KIAA1755: variants seen among roughly 807,000 people sequenced by gnomAD.
KIAA1755 encodes uncharacterized protein KIAA1755.
In KIAA1755, 68 loss-of-function variants were observed where a neutral mutation model predicts 91.7. The observed-to-expected ratio is 0.74, with a 90% CI of 0.61 to 0.91. The LOEUF is 0.91. Ranked by LOEUF, KIAA1755 falls within the 40% of genes least tolerant of loss-of-function variation. The pLI is 0.00. For missense variants in KIAA1755, 1,535 were observed against 1,494.4 expected (o/e 1.03, Z -0.45); for synonymous variants, 610 against 604.6 (o/e 1.01, Z -0.13).
In KIAA1755 at chr20:38,212,800, T is replaced by G. The variant is rs1438277217; in HGVS notation, c.*242A>C. On this transcript the variant is annotated 3_prime_UTR_variant, in exon 14 of 14. Coordinates refer to ENST00000279024, the MANE Select transcript of KIAA1755 (RefSeq NM_001029864.2). ...GGAGGGATGGAGCCAATCACACCAT[T>G]TATTGTGCCCTGGTTCTGACGCCCA... 6.8e-6 allele frequency: 3 copies of G among 444,138 alleles called. No homozygotes were observed. The highest frequency in any genetic ancestry group is 1.2e-5 in the Non-Finnish European group (3 of 249,750). 27.5% of individuals were successfully genotyped at this position (444,138 alleles called of 1,614,324 possible). A position where few individuals can be genotyped will look rare whatever the true frequency, so the allele number is the denominator to read the frequency against.
chr20:38,245,477 G>A (rs1051688428), intron 2 of KIAA1755, among the ~76,000 whole-genome samples: 4 of 152,208 alleles, frequency 2.6e-5, no homozygotes, highest in Non-Finnish European at 5.9e-5. Flanking sequence ...CCTTGGCAGA[G>A]GCCTCCCTGA....
At chr20:38,226,364 A>T (rs2075756646) in intron 7 of KIAA1755, among the ~76,000 whole-genome samples, 1 of 152,142 alleles carries the variant, frequency 6.6e-6, no homozygotes, top group African/African-American at 2.4e-5. Context: ...GACCCACCTG[A>T]TATTCCTGCT....
At chr20:38,251,764 C>T (rs1241677656) in intron 1 of KIAA1755, among the ~76,000 whole-genome samples, 1 of 152,126 alleles carries the variant, frequency 6.6e-6, no homozygotes, top group Non-Finnish European at 1.5e-5. Context: ...TGCAGTTTCA[C>T]CATGTTGGCC....
intron 1 of KIAA1755, among the ~76,000 whole-genome samples, chr20:38,256,138 C>G (rs539514339): frequency 3.3e-5 from 5 of 152,352 alleles, no homozygotes; most frequent in Admixed American, 2.0e-4. Context: ...GGGCACATAA[C>G]CACCAGCTGT....
At chr20:38,248,906 G>A (rs1176664824) in intron 1 of KIAA1755, among the ~76,000 whole-genome samples, 2 of 151,964 alleles carry the variant, frequency 1.3e-5, no homozygotes, top group Non-Finnish European at 1.5e-5. Context: ...ACAAGATCTT[G>A]CTCTGTTGCC....
At chr20:38,250,512 CTGTG>C (rs3080901) in intron 1 of KIAA1755, among the ~76,000 whole-genome samples, 37 of 138,916 alleles carry the variant, frequency 2.7e-4, no homozygotes, top group Middle Eastern at 3.8e-3. Flanking sequence ...GTGTGTGTGT[CTGTG>C]TGTGTGTGTG....
At chr20:38,233,036 C>T (rs962898796) in intron 4 of KIAA1755, among the ~76,000 whole-genome samples, 14 of 151,920 alleles carry the variant, frequency 9.2e-5, no homozygotes, top group Middle Eastern at 6.4e-3. Flanking sequence ...GTGGGAGAAT[C>T]GCTTGAGCCG....
chr20:38,227,081 C>T, intron 7 of KIAA1755, 73 bp downstream of exon 7: 1 of 1,118,092 alleles, frequency 8.9e-7, no homozygotes. Context: ...TGCAGTTCTC[C>T]CTCTCCTTAA....
At position 38,241,250 on chromosome 20, in the gene KIAA1755, G is replaced by T. The variant is rs932071260; in HGVS notation, c.881C>A (p.Ala294Glu). 1.2e-6 allele frequency: 2 copies of T among 1,614,132 alleles called. No homozygotes were observed. The highest frequency in any genetic ancestry group is 1.7e-6 in the Non-Finnish European group (2 of 1,180,020). Residue 294 changes from alanine (A) to glutamate (E), a missense_variant, in exon 3 of 14, where the codon GCA (alanine) becomes GAA (glutamate). Transcript: ENST00000279024. ...AGAAGTACACCCACTGGATGTGCCT[G>T]CCTCCCTACTGGGAGACTCTCCTCT... The part of the protein sequence containing the change: ...ESRGESPSRE[A>E]GTSSGCTSGA...
At position 38,228,202 on chromosome 20, in the gene KIAA1755, T is replaced by A. The variant is rs1235109509; in HGVS notation, c.1910A>T (p.Asp637Val). The A allele has an allele frequency of 6.2e-7, 1 of 1,604,530 alleles. No individual in the cohort carries two copies. The highest frequency in any genetic ancestry group is 1.3e-5 in the African/African-American group (1 of 74,748). ...DKAKGLAVLI[D>V]ARRQPPQPGL... Reference sequence around the variant, plus strand: ...GGGCTGTGGGGGCTGTCTCCTGGCGTCAATCAGGACCGCCAGCCCCTTGGC... The same window carrying A: ...GGGCTGTGGGGGCTGTCTCCTGGCGACAATCAGGACCGCCAGCCCCTTGGC... The change falls in exon 6 of 14, where the codon GAC (aspartate) becomes GTC (valine). Residue 637 changes from aspartate to valine, a missense_variant. Coordinates refer to ENST00000279024, the MANE Select transcript of KIAA1755 (RefSeq NM_001029864.2).
intron 13 of KIAA1755, chr20:38,216,916 A>C: frequency 5.6e-6 from 3 of 532,428 alleles, no homozygotes; most frequent in South Asian, 1.5e-5. Flanking sequence ...TCTTTGGGGA[A>C]GCATATAAGG....
intron 3 of KIAA1755, 58 bp from the exon 4 acceptor site, chr20:38,239,783 G>T: frequency 6.9e-7 from 1 of 1,439,802 alleles, no homozygotes; most frequent in African/African-American, 1.4e-5. Flanking sequence ...CTTTCTAAGG[G>T]GAAAACGTCT....
chr20:38,250,546 A>G (rs1427458508), intron 1 of KIAA1755, among the ~76,000 whole-genome samples: 2 of 143,384 alleles, frequency 1.4e-5, no homozygotes, highest in Non-Finnish European at 3.1e-5. Context: ...GGTTTTAAGG[A>G]GCAGAAAGTT....
Position 38,231,122 on chromosome 20 carries a change from C to T in KIAA1755, c.1871+80G>A, listed in dbSNP as rs2075853258. 4.9e-6 allele frequency: 7 copies of T among 1,428,904 alleles called. No individual in the cohort carries two copies. The South Asian group carries it at 6.8e-5, about 14-fold the overall frequency. The allele number at this position is 1,428,904 out of a possible 1,614,324, so 88.5% of individuals were successfully genotyped here. A position where few individuals can be genotyped will look rare whatever the true frequency, so the allele number is the denominator to read the frequency against. Reference sequence around the variant, plus strand: ...CTGGATGGAAGGATATGGTGCCTCTCCACTCAGTGTCTGGTCCAGGGCTCT... The same window carrying T: ...CTGGATGGAAGGATATGGTGCCTCTTCACTCAGTGTCTGGTCCAGGGCTCT... On this transcript the variant is annotated intron_variant, in intron 5 of 13. Transcript: ENST00000279024.
intron 1 of KIAA1755, among the ~76,000 whole-genome samples, chr20:38,254,976 A>G (rs1476796382): frequency 1.3e-5 from 2 of 152,118 alleles, no homozygotes; most frequent in African/African-American, 2.4e-5. Flanking sequence ...CAGGAGTTCG[A>G]GACCAGCCTG....
chr20:38,225,228 C>T lies in KIAA1755; in HGVS notation c.2169+437G>A, dbSNP rs77302171. On this transcript the variant is annotated intron_variant, in intron 8 of 13. Coordinates refer to ENST00000279024, the MANE Select transcript of KIAA1755 (RefSeq NM_001029864.2). ...TGTTGGCCAGGCTGGTCTCAAACTC[C>T]TCACCTCATGTGATCCACCCATCTC... is the stretch of plus-strand genomic sequence containing the variant. 5.5e-3 allele frequency among the ~76,000 whole-genome samples: 836 copies of T among 152,260 alleles called. 13 individuals are homozygous for T. The East Asian group carries it at 0.072, about 13-fold the overall frequency.
At chr20:38,214,380 C>G (rs6123474) in intron 13 of KIAA1755, among the ~76,000 whole-genome samples, 59,157 of 152,056 alleles carry the variant, frequency 0.39, 12,539 homozygotes, top group East Asian at 0.52. Context: ...TGAAATTCCT[C>G]TCCATGGTTG....
Position 38,241,869 on chromosome 20 carries a change from C to A in KIAA1755, c.262G>T (p.Val88Phe), listed in dbSNP as rs202173642. The stretch of plus-strand genomic sequence containing the variant: ...TTGAGGGGTGCCAAGTGGACCACAA[C>A]TTCATCCCTCAGACAGAGTGGCCAG... Reference protein sequence around the residue: ...EGWPLCLRDEVVVHLAPLNPL... With the variant: ...EGWPLCLRDEFVVHLAPLNPL... Residue 88 changes from valine (V) to phenylalanine (F), a missense_variant, in exon 3 of 14, where the codon GTT (valine) becomes TTT (phenylalanine). Coordinates refer to ENST00000279024, the MANE Select transcript of KIAA1755 (RefSeq NM_001029864.2). 5 of 1,614,020 alleles carry A rather than the reference C, an allele frequency of 3.1e-6. No individual in the cohort carries two copies. In the Admixed American group the frequency reaches 8.3e-5, roughly 27 times the overall value.
chr20:38,255,320 C>A (rs1193021967), intron 1 of KIAA1755, among the ~76,000 whole-genome samples: 1 of 152,186 alleles, frequency 6.6e-6, no homozygotes, highest in Non-Finnish European at 1.5e-5. Flanking sequence ...TGTGAGAAAG[C>A]ACTCACTTCC....
Sources: gnomAD v4.1 joint callset for allele counts (sites outside exome capture counted in the v4.1 genomes callset) on GRCh38, gnomAD v4.1.1 for gene constraint, MANE v1.5 for transcripts, NCBI Gene and HGNC (gene_info 2026-07-23, HGNC 2026-07-21) for gene names.